Variants in DLG5 observed in about 807,000 individuals in gnomAD.
DLG5 encodes the protein disks large homolog 5.
DLG5 carries 48 observed loss-of-function variants against 189.8 expected under a neutral mutation model. The observed-to-expected ratio is 0.25, with a 90% CI of 0.20 to 0.32. DLG5 has a LOEUF of 0.32. Ranked by LOEUF, DLG5 falls within the 10% of genes least tolerant of loss-of-function variation. DLG5 has a pLI of 1.00. For synonymous variants in DLG5, 1,016 were observed against 1,054.1 expected (o/e 0.96, Z 0.70); for missense variants, 2,160 against 2,544.7 (o/e 0.85, Z 3.25).
At chr10:77,940,608 G>A in the DLG5 span, among the ~76,000 whole-genome samples, 3 of 152,054 alleles carry the variant, frequency 2.0e-5, no homozygotes, top group East Asian at 1.9e-4. Context: ...ACATCTACAT[G>A]CCCAGTTCCT....
rs1191346235 is a variant in DLG5 at position 77,844,146 on chromosome 10, C to T, written c.865-440G>A. Among the ~76,000 whole-genome samples, 4 of 152,254 alleles carry T rather than the reference C, an allele frequency of 2.6e-5. No individual in the cohort carries two copies. In the East Asian group the frequency reaches 7.7e-4, roughly 29 times the overall value. On this transcript the variant is annotated intron_variant, in intron 5 of 31. Transcript: ENST00000372391. ...TGAACACCTGCTTTCTACTGGGAGT[C>T]CAGAATCTGGGTACATGGCAGGCAG... is the stretch of plus-strand genomic sequence containing the variant.
chr10:77,829,044 C>A (rs1478777093), intron 12 of DLG5, 59 bp from the exon 13 acceptor site: 6 of 1,542,146 alleles, frequency 3.9e-6, no homozygotes, highest in Non-Finnish European at 5.4e-6. Context: ...CCCTGGGTCA[C>A]CCTACCTCAT....
At chr10:77,801,175 A>G (rs1299176057) in intron 27 of DLG5, among the ~76,000 whole-genome samples, 1 of 152,246 alleles carries the variant, frequency 6.6e-6, no homozygotes, top group Non-Finnish European at 1.5e-5. Context: ...CACACATGAC[A>G]GTTACCAAAC....
intron 1 of DLG5, among the ~76,000 whole-genome samples, chr10:77,887,404 C>A (rs1845471285): frequency 6.6e-6 from 1 of 152,068 alleles, no homozygotes; most frequent in Non-Finnish European, 1.5e-5. Context: ...TCTTTCCCAG[C>A]CTCAGGCCCC....
intron 1 of DLG5, among the ~76,000 whole-genome samples, chr10:77,888,401 A>G (rs571267619): frequency 2.0e-5 from 3 of 152,320 alleles, no homozygotes; most frequent in Admixed American, 2.0e-4. Flanking sequence ...GTGACCTACA[A>G]GGTCCTGGAG....
intron 1 of DLG5, among the ~76,000 whole-genome samples, chr10:77,872,914 C>T (rs1293427225): frequency 6.6e-6 from 1 of 151,982 alleles, no homozygotes; most frequent in East Asian, 1.9e-4. Flanking sequence ...TGCCCTGAAA[C>T]CTAGGATGGG....
chr10:77,893,374 C>A (rs1200867720), intron 1 of DLG5, among the ~76,000 whole-genome samples: 1 of 152,232 alleles, frequency 6.6e-6, no homozygotes, highest in East Asian at 1.9e-4. Flanking sequence ...TATCCACCAG[C>A]CCATTTACTC....
intron 14 of DLG5, 127 bp from the exon 15 acceptor site, chr10:77,822,228 A>C: frequency 3.1e-6 from 3 of 958,262 alleles, no homozygotes; most frequent in Non-Finnish European, 4.6e-6. Flanking sequence ...AAAAAGAGAC[A>C]GATAGACAGA....
chr10:77,847,325 G>C (rs1004017301), intron 5 of DLG5, among the ~76,000 whole-genome samples: 1 of 152,058 alleles, frequency 6.6e-6, no homozygotes, highest in Non-Finnish European at 1.5e-5. Context: ...GGATAGGGTC[G>C]TGCTCACCGG....
chr10:77,911,870 G>A (rs187288509), intron 1 of DLG5, among the ~76,000 whole-genome samples: 1 of 151,798 alleles, frequency 6.6e-6, no homozygotes, highest in Admixed American at 6.6e-5. Context: ...GCAATAGAGG[G>A]GTAAGGCAAA....
chr10:77,850,527 CA>C (rs1028635820), intron 5 of DLG5, among the ~76,000 whole-genome samples: 4 of 152,180 alleles, frequency 2.6e-5, no homozygotes, highest in African/African-American at 7.2e-5. Flanking sequence ...CGTATATTTT[CA>C]GTTCTCCTGG....
intron 25 of DLG5, 133 bp from the exon 26 acceptor site, chr10:77,807,061 G>A (rs1402720863): frequency 9.1e-6 from 9 of 984,148 alleles, no homozygotes; most frequent in Admixed American, 2.7e-5. Context: ...AGGAATCGCC[G>A]AGGGTGGTGA....
At chr10:77,894,389 AC>A (rs1845697134) in intron 1 of DLG5, among the ~76,000 whole-genome samples, 1 of 152,064 alleles carries the variant, frequency 6.6e-6, no homozygotes, top group South Asian at 2.1e-4. Context: ...ATGAGATAAC[AC>A]CTAGCACACT....
At chr10:77,900,283 C>G (rs905388418) in intron 1 of DLG5, among the ~76,000 whole-genome samples, 1 of 152,118 alleles carries the variant, frequency 6.6e-6, no homozygotes, top group Non-Finnish European at 1.5e-5. Context: ...CCTGCAACCC[C>G]TCCCTGACCC....
intron 7 of DLG5, among the ~76,000 whole-genome samples, chr10:77,840,237 G>T (rs1843353087): frequency 6.6e-6 from 1 of 152,078 alleles, no homozygotes; most frequent in African/African-American, 2.4e-5. Context: ...AATTAGCTGG[G>T]TGAGCTGGTG....
intron 1 of DLG5, among the ~76,000 whole-genome samples, chr10:77,923,496 G>A (rs558447338): frequency 2.3e-4 from 35 of 152,324 alleles, no homozygotes; most frequent in African/African-American, 8.4e-4. Context: ...AGTGGCTCAC[G>A]CCTGTAATCC....
At chr10:77,901,735 G>A (rs1231427509) in intron 1 of DLG5, among the ~76,000 whole-genome samples, 3 of 152,142 alleles carry the variant, frequency 2.0e-5, no homozygotes, top group Non-Finnish European at 2.9e-5. Flanking sequence ...ACATAAGGAC[G>A]CCAGGACCCA....
Position 77,792,195 on chromosome 10 carries a change from T to C in DLG5, c.*245A>G. The stretch of plus-strand genomic sequence containing the variant: ...TAAAGAAAGGTGGGTGCTGAACCCG[T>C]CTTTAGTGTTATCTGTTTTGTGTTA... On this transcript the variant is annotated 3_prime_UTR_variant, in exon 32 of 32. Transcript: ENST00000372391. 1.8e-6 allele frequency: 1 copy of C among 549,896 alleles called. No individual in the cohort carries two copies. The highest frequency in any genetic ancestry group is 3.2e-6 in the Non-Finnish European group (1 of 308,314). The allele number at this position is 549,896 out of a possible 1,614,324, so 34.1% of individuals were successfully genotyped here.
chr10:77,839,643 T>C (rs1843323471), intron 7 of DLG5, among the ~76,000 whole-genome samples: 1 of 152,256 alleles, frequency 6.6e-6, no homozygotes, highest in African/African-American at 2.4e-5. Flanking sequence ...TTCTTCATCA[T>C]TTTGTTTTCC....
Sources: gnomAD v4.1 joint callset for allele counts (sites outside exome capture counted in the v4.1 genomes callset) on GRCh38, gnomAD v4.1.1 for gene constraint, MANE v1.5 for transcripts, NCBI Gene and HGNC (gene_info 2026-07-23, HGNC 2026-07-21) for gene names.